Variants in SLC10A1 observed in about 807,000 individuals in gnomAD.
The protein encoded by SLC10A1 is solute carrier family 10 member 1.
In SLC10A1, 36 loss-of-function variants were observed where a neutral mutation model predicts 20.5. That is an observed-to-expected ratio of 1.75 (90% confidence interval 1.34 to 2.32). SLC10A1 has a LOEUF of 2.32. Ranked by LOEUF, SLC10A1 falls within the 30% of genes most tolerant of loss-of-function variation. The pLI, the probability that SLC10A1 is intolerant of heterozygous loss-of-function variation, is 0.00. For synonymous variants in SLC10A1, 188 were observed against 163.6 expected (o/e 1.15, Z -1.14); for missense variants, 545 against 439.1 (o/e 1.24, Z -2.16).
At chr14:69,794,078 C>T (rs951901849) in intron 1 of SLC10A1, among the ~76,000 whole-genome samples, 8 of 152,166 alleles carry the variant, frequency 5.3e-5, no homozygotes, top group Non-Finnish European at 1.0e-4. Flanking sequence ...TCTCTGACCT[C>T]AGCCTCTTCA....
At chr14:69,787,934 C>G (rs1883760320) in intron 1 of SLC10A1, among the ~76,000 whole-genome samples, 1 of 152,162 alleles carries the variant, frequency 6.6e-6, no homozygotes, top group South Asian at 2.1e-4. Context: ...GTGGTGTGCA[C>G]CAGGAGTCCC....
At chr14:69,785,707 G>T (rs1883694821) in intron 2 of SLC10A1, among the ~76,000 whole-genome samples, 1 of 149,342 alleles carries the variant, frequency 6.7e-6, no homozygotes, top group Non-Finnish European at 1.5e-5. Flanking sequence ...AAGCGATTCT[G>T]CTGCCTCAGC....
At chr14:69,776,796 T>C (rs1302253541) in intron 4 of SLC10A1, among the ~76,000 whole-genome samples, 1 of 152,222 alleles carries the variant, frequency 6.6e-6, no homozygotes, top group Non-Finnish European at 1.5e-5. Flanking sequence ...ATCTACCTCT[T>C]CTTGTCCGTG....
At chr14:69,795,725 T>G (rs921599173) in intron 1 of SLC10A1, among the ~76,000 whole-genome samples, 1 of 152,112 alleles carries the variant, frequency 6.6e-6, no homozygotes, top group Non-Finnish European at 1.5e-5. Flanking sequence ...TCTCACTTTT[T>G]TCATTTAAAA....
intron 1 of SLC10A1, among the ~76,000 whole-genome samples, chr14:69,795,703 G>A (rs891430206): frequency 1.3e-5 from 2 of 152,034 alleles, no homozygotes; most frequent in Non-Finnish European, 2.9e-5. Flanking sequence ...GTGAGCCACC[G>A]TGCCCAGCCA....
intron 2 of SLC10A1, among the ~76,000 whole-genome samples, chr14:69,781,864 G>A (rs755448121): frequency 6.6e-6 from 1 of 152,200 alleles, no homozygotes; most frequent in Non-Finnish European, 1.5e-5. Flanking sequence ...TTCCACCAGC[G>A]AATGCAACTG....
At chr14:69,790,870 C>T (rs1033112953) in intron 1 of SLC10A1, among the ~76,000 whole-genome samples, 1 of 151,974 alleles carries the variant, frequency 6.6e-6, no homozygotes, top group Non-Finnish European at 1.5e-5. Flanking sequence ...ATAGGATTGT[C>T]CACAGAAGAA....
At chr14:69,787,792 G>A (rs930396473) in intron 1 of SLC10A1, among the ~76,000 whole-genome samples, 1 of 152,162 alleles carries the variant, frequency 6.6e-6, no homozygotes, top group Admixed American at 6.5e-5. Context: ...CATTTAGGGA[G>A]GCCGAGGAGG....
At chr14:69,785,873 T>C (rs1374741647) in intron 2 of SLC10A1, among the ~76,000 whole-genome samples, 1 of 151,558 alleles carries the variant, frequency 6.6e-6, no homozygotes, top group Non-Finnish European at 1.5e-5. Flanking sequence ...CTTCCCAAAG[T>C]GTTGGGATTA....
rs1883502009 is a variant in SLC10A1 at position 69,778,427 on chromosome 14, G to A, written c.849C>T (p.Phe283=). ...AAATCATGTAGAGGAGGGGAAAGAA[G>A]AAAAGTGGTCCAATGACTTCAGGTG... ...AFPPEVIGPL[F]FFPLLYMIFQ... is the part of the protein sequence containing the mutation. The change falls in exon 4 of 5, where the codon TTC becomes TTT. Residue 283 remains phenylalanine (F), a synonymous_variant. Transcript: ENST00000216540. The A allele has an allele frequency of 2.5e-6, 4 of 1,611,492 alleles. No homozygotes were observed. Among genetic ancestry groups the A allele is most frequent in the Non-Finnish European group, 3.4e-6 (4 of 1,177,764 alleles).
chr14:69,777,887 A>G (rs1485390674), intron 4 of SLC10A1, among the ~76,000 whole-genome samples: 1 of 148,382 alleles, frequency 6.7e-6, no homozygotes, highest in Non-Finnish European at 1.5e-5. Context: ...TTGCTTTCAT[A>G]TGTTTTTCCT....
intron 3 of SLC10A1, 116 bp from the exon 4 acceptor site, chr14:69,778,645 G>T: frequency 2.4e-6 from 2 of 837,342 alleles, no homozygotes; most frequent in South Asian, 4.3e-5. Flanking sequence ...CTGGACAGGG[G>T]TACTTTGCTA....
At chr14:69,794,350 G>A (rs888958745) in intron 1 of SLC10A1, among the ~76,000 whole-genome samples, 3 of 152,182 alleles carry the variant, frequency 2.0e-5, no homozygotes, top group African/African-American at 7.2e-5. Context: ...CTTTGAGGCT[G>A]TCTGGCCATT....
chr14:69,786,638 G>A (rs147318230), intron 1 of SLC10A1, among the ~76,000 whole-genome samples: 314 of 152,170 alleles, frequency 2.1e-3, no homozygotes, highest in African/African-American at 7.3e-3. Flanking sequence ...AACCCTTTTC[G>A]CATTGAGCAC....
At chr14:69,789,474 G>A (rs1488599287) in intron 1 of SLC10A1, among the ~76,000 whole-genome samples, 2 of 152,198 alleles carry the variant, frequency 1.3e-5, no homozygotes, top group Non-Finnish European at 2.9e-5. Context: ...CATATTGAAT[G>A]CTTCCATTTA....
Position 69,776,186 on chromosome 14 carries a change from C to G in SLC10A1, c.*96G>C, listed in dbSNP as rs200015023. 36 of 822,310 alleles carry G rather than the reference C, an allele frequency of 4.4e-5. No individual in the cohort carries two copies. Among genetic ancestry groups the G allele is most frequent in the Non-Finnish European group, 4.8e-5 (24 of 496,620 alleles). The allele number at this position is 822,310 out of a possible 1,614,324, so 50.9% of individuals were successfully genotyped here. A position where few individuals can be genotyped will look rare whatever the true frequency, so the allele number is the denominator to read the frequency against. ...ATGTACTGGAAATGCTGGAGAAAGACTCAGGCAAGACTGGTGTTTTTGCTG... is the reference window on the plus strand; with the variant it reads ...ATGTACTGGAAATGCTGGAGAAAGAGTCAGGCAAGACTGGTGTTTTTGCTG... On this transcript the variant is annotated 3_prime_UTR_variant, in exon 5 of 5. Transcript: ENST00000216540.
intron 2 of SLC10A1, among the ~76,000 whole-genome samples, chr14:69,785,658 G>A (rs1284925744): frequency 2.7e-5 from 4 of 149,818 alleles, no homozygotes; most frequent in African/African-American, 4.9e-5. Context: ...GTGCAGTGGC[G>A]CGATCTCGGC....
chr14:69,790,573 T>C (rs1478129957), intron 1 of SLC10A1, among the ~76,000 whole-genome samples: 1 of 152,018 alleles, frequency 6.6e-6, no homozygotes, highest in Non-Finnish European at 1.5e-5. Context: ...TATAGAAAAG[T>C]CAACAAAATT....
chr14:69,789,058 A>G (rs768258461), intron 1 of SLC10A1, among the ~76,000 whole-genome samples: 10 of 152,188 alleles, frequency 6.6e-5, no homozygotes, highest in African/African-American at 1.2e-4. Context: ...AAAAAGCTGG[A>G]CAATAACAAG....
Sources: allele counts gnomAD v4.1 joint callset (sites outside exome capture counted in the v4.1 genomes callset), GRCh38; gene constraint gnomAD v4.1.1; transcripts MANE v1.5; gene names NCBI Gene and HGNC (gene_info 2026-07-23, HGNC 2026-07-21).